The following RTRAF variants were observed in gnomAD, a reference collection of about 807,000 sequenced individuals.
The protein encoded by RTRAF is RNA transcription, translation and transport factor.
In RTRAF, 14 loss-of-function variants were observed where a neutral mutation model predicts 34.4. The ratio of observed to expected loss-of-function variants is 0.41; its 90% CI spans 0.27 to 0.64. RTRAF has a LOEUF of 0.64. Ranked by LOEUF, RTRAF falls within the 30% of genes least tolerant of loss-of-function variation. The probability of loss-of-function intolerance (pLI) is 0.34; values close to 1 mark genes in which losing one functional copy is unlikely to be tolerated. For synonymous variants in RTRAF, 96 were observed against 95.3 expected (o/e 1.01, Z -0.04); for missense variants, 291 against 288.4 (o/e 1.01, Z -0.06).
rs566619815 is a variant in RTRAF, at chr14:52,008,128, T to G, written c.*3612T>G. On this transcript the variant is annotated 3_prime_UTR_variant, in exon 8 of 8. Transcript: ENST00000261700. ...GTAGTGTCTTGCTTCTTCTAGTGCA[T>G]AGAGTATAGCAGAAGTGATAGGCTA... 1 of 591,760 alleles carries G rather than the reference T, an allele frequency of 1.7e-6. No homozygotes were observed. Among genetic ancestry groups the G allele is most frequent in the Admixed American group, 3.4e-5 (1 of 29,200 alleles). The allele number at this position is 591,760 out of a possible 1,614,324, so 36.7% of individuals were successfully genotyped here. A position where few individuals can be genotyped will look rare whatever the true frequency, so the allele number is the denominator to read the frequency against.
At chr14:52,003,736 AAC>A (rs1408000669) in intron 6 of RTRAF, among the ~76,000 whole-genome samples, 6 of 152,350 alleles carry the variant, frequency 3.9e-5, no homozygotes, top group Non-Finnish European at 7.3e-5. Flanking sequence ...AATCTTGGCA[AAC>A]ACCATGCTGG....
chr14:51,989,825 C>A, intron 1 of RTRAF, 125 bp downstream of exon 1: 3 of 949,352 alleles, frequency 3.2e-6, no homozygotes, highest in Non-Finnish European at 1.6e-6. Flanking sequence ...AGCCTCCGGG[C>A]CCCTCTCCTC....
At position 52,007,721 on chromosome 14, in the gene RTRAF, G is replaced by A. The variant is rs1151575; in HGVS notation, c.*3205G>A. ...CAGACCAAAGAAAGGAGATCTAAGTGATGGGATTTCATTTTGTAGTAAAAT... is the reference window on the plus strand; with the variant it reads ...CAGACCAAAGAAAGGAGATCTAAGTAATGGGATTTCATTTTGTAGTAAAAT... On this transcript the variant is annotated 3_prime_UTR_variant, in exon 8 of 8. Coordinates refer to ENST00000261700, the MANE Select transcript of RTRAF (RefSeq NM_016039.3). 8.7e-7 allele frequency: 1 copy of A among 1,153,150 alleles called. No individual in the cohort carries two copies. Among genetic ancestry groups the A allele is most frequent in the Admixed American group, 2.1e-5 (1 of 48,554 alleles). 71.4% of individuals were successfully genotyped at this position (1,153,150 alleles called of 1,614,324 possible).
intron 5 of RTRAF, among the ~76,000 whole-genome samples, chr14:52,000,055 A>AAT (rs982713818): frequency 6.6e-6 from 1 of 152,096 alleles, no homozygotes; most frequent in African/African-American, 2.4e-5. Flanking sequence ...TCTTTTTAAA[A>AAT]ATATATATCA....
intron 6 of RTRAF, 26 bp from the exon 7 acceptor site, chr14:52,004,168 C>T (rs781745100): frequency 6.3e-7 from 1 of 1,592,678 alleles, no homozygotes; most frequent in Non-Finnish European, 8.6e-7. Flanking sequence ...CATAAATACT[C>T]TCATTTTGTC....
At chr14:51,995,797 T>C (rs1392091463) in intron 3 of RTRAF, among the ~76,000 whole-genome samples, 1 of 152,116 alleles carries the variant, frequency 6.6e-6, no homozygotes, top group Non-Finnish European at 1.5e-5. Context: ...TTCGTTTACT[T>C]TTCCATTTAA....
chr14:51,991,176 T>G, intron 1 of RTRAF, 141 bp from the exon 2 acceptor site: 1 of 826,336 alleles, frequency 1.2e-6, no homozygotes, highest in South Asian at 1.8e-5. Flanking sequence ...AATCTGTACT[T>G]TCAACTCCCT....
chr14:52,006,003 A>T lies in RTRAF; in HGVS notation c.*1487A>T. On this transcript the variant is annotated 3_prime_UTR_variant, in exon 8 of 8. Transcript: ENST00000261700. ...AAAGCCATACTGAAGTTTGAAGACC[A>T]TTGCTCTAAATCCATTGCTCATCTC... 3.2e-6 allele frequency: 2 copies of T among 623,146 alleles called. No individual in the cohort carries two copies. The highest frequency in any genetic ancestry group is 5.6e-5 in the East Asian group (2 of 35,898). The allele number at this position is 623,146 out of a possible 1,614,324, so 38.6% of individuals were successfully genotyped here.
rs1890718463 is a variant in RTRAF, at chr14:52,005,251, A to C, written c.*735A>C. ...AGTTGCTTTAATAAGCAACAGTTAAAATTCTGTTACCTTTTTAAACTTGCA... is the reference window on the plus strand; with the variant it reads ...AGTTGCTTTAATAAGCAACAGTTAACATTCTGTTACCTTTTTAAACTTGCA... On this transcript the variant is annotated 3_prime_UTR_variant, in exon 8 of 8. Coordinates refer to ENST00000261700, the MANE Select transcript of RTRAF (RefSeq NM_016039.3). 1 of 384,010 alleles carries C rather than the reference A, an allele frequency of 2.6e-6. No individual in the cohort carries two copies. Among genetic ancestry groups the C allele is most frequent in the Non-Finnish European group, 4.6e-6 (1 of 216,324 alleles). 23.8% of individuals were successfully genotyped at this position (384,010 alleles called of 1,614,324 possible).
chr14:52,006,517 C>T lies in RTRAF; in HGVS notation c.*2001C>T. 1 of 1,612,790 alleles carries T rather than the reference C, an allele frequency of 6.2e-7. No homozygotes were observed. Among genetic ancestry groups the T allele is most frequent in the African/African-American group, 1.3e-5 (1 of 74,998 alleles). ...GAACAGTTGGCCTTTTCAGGCTTGTCCAGAATTTGTGGGGCTCACCTCCTC... is the reference window on the plus strand; with the variant it reads ...GAACAGTTGGCCTTTTCAGGCTTGTTCAGAATTTGTGGGGCTCACCTCCTC... On this transcript the variant is annotated 3_prime_UTR_variant, in exon 8 of 8. Transcript: ENST00000261700.
chr14:52,007,708 A>C lies in RTRAF; in HGVS notation c.*3192A>C. 1 of 1,037,716 alleles carries C rather than the reference A, an allele frequency of 9.6e-7. No homozygotes were observed. The highest frequency in any genetic ancestry group is 1.5e-6 in the Non-Finnish European group (1 of 686,746). 64.3% of individuals were successfully genotyped at this position (1,037,716 alleles called of 1,614,324 possible). A position where few individuals can be genotyped will look rare whatever the true frequency, so the allele number is the denominator to read the frequency against. On this transcript the variant is annotated 3_prime_UTR_variant, in exon 8 of 8. Coordinates refer to ENST00000261700, the MANE Select transcript of RTRAF (RefSeq NM_016039.3). The stretch of plus-strand genomic sequence containing the variant: ...ACTTAAAAGTTTACAGACCAAAGAA[A>C]GGAGATCTAAGTGATGGGATTTCAT...
Position 52,006,673 on chromosome 14 carries a change from A to AG in RTRAF, c.*2162dup. On this transcript the variant is annotated 3_prime_UTR_variant, in exon 8 of 8. Transcript: ENST00000261700. ...AGTTTTTTGGTTCCTTTTAAAACAAAGGGGGAAAATGAGGTCCTTCAGCTG... is the reference window on the plus strand; with the variant it reads ...AGTTTTTTGGTTCCTTTTAAAACAAAGGGGGGAAAATGAGGTCCTTCAGCTG... 6.2e-7 allele frequency: 1 copy of AG among 1,613,006 alleles called. No homozygotes were observed. Among genetic ancestry groups the AG allele is most frequent in the South Asian group, 1.1e-5 (1 of 91,006 alleles).
chr14:52,000,705 T>G (rs1472797351), intron 5 of RTRAF, among the ~76,000 whole-genome samples: 2 of 152,204 alleles, frequency 1.3e-5, no homozygotes. Context: ...CAATCCAGAT[T>G]GCATGCCAAA....
At chr14:52,001,738 A>G (rs2140330910) in intron 5 of RTRAF, 60 bp from the exon 6 acceptor site, 1 of 1,346,962 alleles carries the variant, frequency 7.4e-7, no homozygotes, top group South Asian at 1.3e-5. Context: ...CTGGGCTCAT[A>G]GAAGAAAGGA....
rs1890889757 is a variant in RTRAF at position 52,008,707 on chromosome 14, G to A, written c.*4191G>A. 2 of 152,132 alleles carry A rather than the reference G, an allele frequency of 1.3e-5. No homozygotes were observed. Among genetic ancestry groups the A allele is most frequent in the African/African-American group, 4.8e-5 (2 of 41,424 alleles). The allele number at this position is 152,132 out of a possible 1,614,324, so 9.4% of individuals were successfully genotyped here. A position where few individuals can be genotyped will look rare whatever the true frequency, so the allele number is the denominator to read the frequency against. On this transcript the variant is annotated 3_prime_UTR_variant, in exon 8 of 8. Coordinates refer to ENST00000261700, the MANE Select transcript of RTRAF (RefSeq NM_016039.3). ...TTGTTGAAGTCTTGAATTGGATCTT[G>A]GGTTTTAGAATAGAAACAAATACAG...
At chr14:52,001,938 G>A in intron 6 of RTRAF, 72 bp downstream of exon 6, 1 of 1,261,470 alleles carries the variant, frequency 7.9e-7, no homozygotes, top group South Asian at 1.3e-5. Flanking sequence ...TTTAAACTTT[G>A]CATGTATCTG....
In RTRAF at chr14:52,002,838, C is replaced by G. The variant is rs186065864; in HGVS notation, c.531+972C>G. On this transcript the variant is annotated intron_variant, in intron 6 of 7. Coordinates refer to ENST00000261700, the MANE Select transcript of RTRAF (RefSeq NM_016039.3). ...CAGGCCAAGCAGTGTTAAAAGGTTA[C>G]TAATGCCAGGGCAGTATCTCTGAAA... Among the ~76,000 whole-genome samples the G allele has an allele frequency of 3.0e-3, 453 of 152,290 alleles. 2 individuals carry two copies. Among genetic ancestry groups the G allele is most frequent in the South Asian group, 0.019 (94 of 4,830 alleles).
At chr14:52,002,469 A>G (rs1331073065) in intron 6 of RTRAF, among the ~76,000 whole-genome samples, 3 of 152,188 alleles carry the variant, frequency 2.0e-5, no homozygotes, top group Admixed American at 1.3e-4. Context: ...GTGAAGGGAC[A>G]GGGGGTTCTG....
intron 4 of RTRAF, 124 bp from the exon 5 acceptor site, chr14:51,999,584 G>C: frequency 1.7e-6 from 1 of 596,860 alleles, no homozygotes; most frequent in Non-Finnish European, 2.9e-6. Context: ...GTGAGTAGCA[G>C]TTTTAAAAAC....
Sources: allele counts gnomAD v4.1 joint callset (sites outside exome capture counted in the v4.1 genomes callset), GRCh38; gene constraint gnomAD v4.1.1; transcripts MANE v1.5; gene names NCBI Gene and HGNC (gene_info 2026-07-23, HGNC 2026-07-21).